The following DCC variants were observed in gnomAD, a reference collection of about 807,000 sequenced individuals.
DCC encodes DCC netrin 1 receptor.
A neutral mutation model predicts 172.5 loss-of-function variants in DCC; 58 were observed. That is an observed-to-expected ratio of 0.34 (90% CI 0.27 to 0.42). The LOEUF (loss-of-function observed/expected upper bound fraction) is 0.42. DCC is among the 10% of genes least tolerant of loss of function. The probability of loss-of-function intolerance (pLI) is 1.00; values close to 1 mark genes in which losing one functional copy is unlikely to be tolerated. For synonymous variants in DCC, 709 were observed against 644.5 expected (o/e 1.10, Z -1.52); for missense variants, 1,740 against 1,791.0 (o/e 0.97, Z 0.51).
At chr18:52,672,293 A>G (rs1213528822) in intron 1 of DCC, among the ~76,000 whole-genome samples, 1 of 152,210 alleles carries the variant, frequency 6.6e-6, no homozygotes, top group African/African-American at 2.4e-5. Flanking sequence ...ATGTGTGTAT[A>G]CGCTTCATAA....
intron 1 of DCC, among the ~76,000 whole-genome samples, chr18:52,733,647 A>G (rs1477853778): frequency 1.3e-5 from 2 of 152,032 alleles, no homozygotes; most frequent in Non-Finnish European, 2.9e-5. Flanking sequence ...GCTGTGTACC[A>G]CCACAACTGG....
At chr18:53,415,782 A>G (rs1910278024) in intron 20 of DCC, among the ~76,000 whole-genome samples, 1 of 150,582 alleles carries the variant, frequency 6.6e-6, no homozygotes, top group Non-Finnish European at 1.5e-5. Context: ...AAATATATAT[A>G]TGGGTGATAA....
At chr18:52,643,119 T>C (rs1259407841) in intron 1 of DCC, among the ~76,000 whole-genome samples, 2 of 152,222 alleles carry the variant, frequency 1.3e-5, no homozygotes, top group East Asian at 1.9e-4. Flanking sequence ...AAGAATGTTC[T>C]ATAGTTAAAA....
At chr18:53,153,955 A>T (rs2054685988) in intron 7 of DCC, among the ~76,000 whole-genome samples, 1 of 152,176 alleles carries the variant, frequency 6.6e-6, no homozygotes, top group South Asian at 2.1e-4. Context: ...AGGACAGGCG[A>T]TCTGAGCTGT....
intron 1 of DCC, among the ~76,000 whole-genome samples, chr18:52,379,053 T>C (rs1427466495): frequency 1.3e-5 from 2 of 152,152 alleles, no homozygotes; most frequent in Non-Finnish European, 2.9e-5. Context: ...GCTTAAAGCA[T>C]CTTGTGCCTC....
chr18:52,744,660 C>T (rs2036879980), intron 1 of DCC, among the ~76,000 whole-genome samples: 1 of 152,118 alleles, frequency 6.6e-6, no homozygotes, highest in Non-Finnish European at 1.5e-5. Context: ...AGGTGCTGGT[C>T]CTTTGGTGAG....
At chr18:52,775,609 C>G (rs1036053994) in intron 2 of DCC, among the ~76,000 whole-genome samples, 7 of 152,184 alleles carry the variant, frequency 4.6e-5, no homozygotes, top group Non-Finnish European at 7.3e-5. Flanking sequence ...CCGGGTCAAA[C>G]TCTGCCTCGT....
chr18:52,735,185 G>A (rs1238221884), intron 1 of DCC, among the ~76,000 whole-genome samples: 4 of 152,112 alleles, frequency 2.6e-5, no homozygotes, highest in Non-Finnish European at 4.4e-5. Flanking sequence ...GAAGAACAGA[G>A]AAACTGTCTT....
intron 5 of DCC, among the ~76,000 whole-genome samples, chr18:53,002,881 A>T (rs2041588048): frequency 6.6e-6 from 1 of 152,288 alleles, no homozygotes; most frequent in Admixed American, 6.5e-5. Context: ...GAGCTGTATC[A>T]GCACAGGGTC....
chr18:53,093,441 A>G (rs2043042012), intron 7 of DCC, among the ~76,000 whole-genome samples: 1 of 152,168 alleles, frequency 6.6e-6, no homozygotes, highest in Non-Finnish European at 1.5e-5. Context: ...AAGATTGTTG[A>G]TTTGGGAAAA....
At chr18:53,231,189 T>A (rs903603044) in intron 12 of DCC, among the ~76,000 whole-genome samples, 27 of 152,116 alleles carry the variant, frequency 1.8e-4, no homozygotes, top group African/African-American at 6.3e-4. Context: ...GGAACTGACA[T>A]TGATGGGAAG....
chr18:52,753,566 T>G (rs2037032514), intron 2 of DCC, among the ~76,000 whole-genome samples: 1 of 152,214 alleles, frequency 6.6e-6, no homozygotes, highest in African/African-American at 2.4e-5. Context: ...TTATTTTAAT[T>G]ATAGTGGCAT....
At chr18:53,231,801 C>G (rs967769109) in intron 12 of DCC, among the ~76,000 whole-genome samples, 2 of 152,070 alleles carry the variant, frequency 1.3e-5, no homozygotes, top group Non-Finnish European at 2.9e-5. Context: ...TCAGCCTCTT[C>G]TTATCGCATG....
rs996621627 is a variant in DCC, at chr18:53,446,720, G to A, written c.3230-3780G>A. Among the ~76,000 whole-genome samples, 13 of 152,198 alleles carry A rather than the reference G, an allele frequency of 8.5e-5. 1 individual carries two copies. The highest frequency in any genetic ancestry group is 3.1e-4 in the African/African-American group (13 of 41,516). On this transcript the variant is annotated intron_variant, in intron 22 of 28. Coordinates refer to ENST00000442544, the MANE Select transcript of DCC (RefSeq NM_005215.4). ...ATGTGTGCAGAGCTGCAAAAATTTT[G>A]GGTTGCCCAGTGCTCATGTCACCAC...
At chr18:53,414,622 G>A (rs1281963133) in intron 20 of DCC, among the ~76,000 whole-genome samples, 1 of 152,168 alleles carries the variant, frequency 6.6e-6, no homozygotes, top group African/African-American at 2.4e-5. Context: ...GCCGAGGCGG[G>A]TGGATCACGA....
intron 1 of DCC, among the ~76,000 whole-genome samples, chr18:52,497,354 T>TAC (rs1485827368): frequency 8.2e-5 from 9 of 109,936 alleles, no homozygotes; most frequent in South Asian, 3.4e-4. Context: ...CATATATATA[T>TAC]ACACACATAT....
chr18:53,021,101 CCTGAGGGAAAGGGCACTTG>C (rs754534912), intron 5 of DCC, among the ~76,000 whole-genome samples: 87 of 152,144 alleles, frequency 5.7e-4, no homozygotes, highest in Middle Eastern at 3.2e-3. Flanking sequence ...CCACTGACGG[CCTGAGGGAAAGGGCACTTG>C]CTGAGACAGT....
intron 1 of DCC, among the ~76,000 whole-genome samples, chr18:52,353,239 T>C (rs890912099): frequency 9.2e-5 from 14 of 151,782 alleles, no homozygotes; most frequent in Non-Finnish European, 1.9e-4. Context: ...AAATGCTCTT[T>C]GTGTGTTCCA....
intron 26 of DCC, among the ~76,000 whole-genome samples, chr18:53,488,488 G>C (rs779459175): frequency 2.3e-4 from 35 of 152,074 alleles, no homozygotes; most frequent in Non-Finnish European, 4.9e-4. Context: ...ATTTTTATTC[G>C]TGTTGTGTTA....
Sources: gnomAD v4.1 joint callset for allele counts (sites outside exome capture counted in the v4.1 genomes callset) on GRCh38, gnomAD v4.1.1 for gene constraint, MANE v1.5 for transcripts, NCBI Gene and HGNC (gene_info 2026-07-23, HGNC 2026-07-21) for gene names.